Variants in NFAM1 observed in about 807,000 individuals in gnomAD.
NFAM1 encodes NFAT activating protein with ITAM motif 1.
Under a neutral mutation model 29.0 loss-of-function variants are expected in NFAM1, and 17 were observed. The observed-to-expected ratio is 0.59, with a 90% CI of 0.40 to 0.88. NFAM1 has a LOEUF of 0.88. Among genes scored for constraint, NFAM1 ranks in the 40% least tolerant of loss-of-function variants. NFAM1 has a pLI of 0.00. For missense variants in NFAM1, 324 were observed against 344.6 expected (o/e 0.94, Z 0.47); for synonymous variants, 175 against 147.2 (o/e 1.19, Z -1.36).
rs1056531735 is a variant in NFAM1 at position 42,388,949 on chromosome 22, G to A, written c.664-1871C>T. Reference sequence around the variant, plus strand: ...CCTTGTGCGGCCTTCGTGCCTGTCCGGAGCACCAGCCACCCCAGCTGGTCT... The same window carrying A: ...CCTTGTGCGGCCTTCGTGCCTGTCCAGAGCACCAGCCACCCCAGCTGGTCT... On this transcript the variant is annotated intron_variant, in intron 4 of 5. Coordinates refer to ENST00000329021, the MANE Select transcript of NFAM1 (RefSeq NM_145912.8). The surrounding 1 kb of genome is among the most constrained non-coding windows in gnomAD (Gnocchi z 4.1). 5.3e-5 allele frequency among the ~76,000 whole-genome samples: 8 copies of A among 152,130 alleles called. No individual in the cohort carries two copies. The highest frequency in any genetic ancestry group is 3.9e-4 in the Admixed American group (6 of 15,282).
At chr22:42,429,302 C>G (rs970108861) in intron 1 of NFAM1, among the ~76,000 whole-genome samples, 1 of 152,212 alleles carries the variant, frequency 6.6e-6, no homozygotes, top group Non-Finnish European at 1.5e-5. Flanking sequence ...CCCAGGGTGC[C>G]TGGGCAAGTA....
At position 42,383,792 on chromosome 22, in the gene NFAM1, G is replaced by C. The variant is rs967060554; in HGVS notation, c.*1369C>G. Reference sequence around the variant, plus strand: ...ATTTGGGGTTGGGGCAGCCCACACGGTGGGGTGGGAAGATTGACCTGCCCA... The same window carrying C: ...ATTTGGGGTTGGGGCAGCCCACACGCTGGGGTGGGAAGATTGACCTGCCCA... On this transcript the variant is annotated 3_prime_UTR_variant, in exon 6 of 6. Transcript: ENST00000329021. 2 of 152,728 alleles carry C rather than the reference G, an allele frequency of 1.3e-5. No homozygotes were observed. Among genetic ancestry groups the C allele is most frequent in the African/African-American group, 4.8e-5 (2 of 41,452 alleles). The allele number at this position is 152,728 out of a possible 1,614,324, so 9.5% of individuals were successfully genotyped here.
At chr22:42,396,921 A>AGGGGGCGTGCACCTG (rs372263967) in intron 4 of NFAM1, among the ~76,000 whole-genome samples, 8,404 of 127,764 alleles carry the variant, frequency 0.066, 401 homozygotes, top group South Asian at 0.18. Context: ...CATCGCAGCC[A>AGGGGGCGTGCACCTG]GGGGGCGTGC....
chr22:42,411,600 ATCT>A lies in NFAM1; in HGVS notation c.255_257del (p.Glu85del). ...TCTTAGGGCTCCTCTGTCCCTGGAGATCTTCATGAAAGTAGCTGACTGTGAAAA... is the reference window on the plus strand; with the variant it reads ...TCTTAGGGCTCCTCTGTCCCTGGAGATCATGAAAGTAGCTGACTGTGAAAA... On this transcript the variant is annotated inframe_deletion, in exon 2 of 6. Coordinates refer to ENST00000329021, the MANE Select transcript of NFAM1 (RefSeq NM_145912.8). 4 of 1,614,150 alleles carry A rather than the reference ATCT, an allele frequency of 2.5e-6. No individual in the cohort carries two copies. Among genetic ancestry groups the A allele is most frequent in the Non-Finnish European group, 3.4e-6 (4 of 1,180,032 alleles).
In NFAM1 at chr22:42,387,609, G is replaced by A. The variant is rs534644391; in HGVS notation, c.664-531C>T. Among the ~76,000 whole-genome samples, 17 of 142,354 alleles carry A rather than the reference G, an allele frequency of 1.2e-4. No homozygotes were observed. The South Asian group carries it at 4.2e-3, about 35-fold the overall frequency. The allele number at this position is 142,354 out of a possible 152,430, so 93.4% of individuals were successfully genotyped here. The stretch of plus-strand genomic sequence containing the variant: ...CAGCCTGTATTCAAGGATAACCCAG[G>A]CACCCACTGGGGTCACACTCCCTGG... On this transcript the variant is annotated intron_variant, in intron 4 of 5. Transcript: ENST00000329021.
At chr22:42,427,077 GC>G (rs1383048567) in intron 1 of NFAM1, among the ~76,000 whole-genome samples, 2 of 152,100 alleles carry the variant, frequency 1.3e-5, no homozygotes, top group Admixed American at 1.3e-4. Context: ...GAGCCCAGGC[GC>G]CCCACTTGCC....
intron 4 of NFAM1, among the ~76,000 whole-genome samples, chr22:42,387,822 C>T (rs1929203370): frequency 6.6e-6 from 1 of 152,180 alleles, no homozygotes; most frequent in Non-Finnish European, 1.5e-5. Flanking sequence ...ACTCTCTGAC[C>T]ACGGTCCCCC....
intron 1 of NFAM1, among the ~76,000 whole-genome samples, chr22:42,422,920 G>A (rs539837460): frequency 6.6e-6 from 1 of 151,938 alleles, no homozygotes; most frequent in East Asian, 1.9e-4. Flanking sequence ...TGAGACCAGC[G>A]TGGTCAAGAT....
intron 1 of NFAM1, among the ~76,000 whole-genome samples, chr22:42,413,393 G>A (rs1398961991): frequency 6.6e-6 from 1 of 152,286 alleles, no homozygotes; most frequent in East Asian, 1.9e-4. Flanking sequence ...GAAGATGCGG[G>A]AACAGAGATG....
chr22:42,402,734 C>T (rs1189220549), intron 3 of NFAM1, among the ~76,000 whole-genome samples: 1 of 152,096 alleles, frequency 6.6e-6, no homozygotes, highest in African/African-American at 2.4e-5. Flanking sequence ...CAAACCTACT[C>T]TCATGGCAGG....
chr22:42,432,985 T>C (rs928164572), upstream of NFAM1, among the ~76,000 whole-genome samples: 3 of 152,088 alleles, frequency 2.0e-5, no homozygotes, highest in Non-Finnish European at 2.9e-5. Context: ...AGACGCCTCC[T>C]CTCTGGTCCA....
chr22:42,427,005 T>C (rs1365187446), intron 1 of NFAM1, among the ~76,000 whole-genome samples: 2 of 152,094 alleles, frequency 1.3e-5, no homozygotes, highest in East Asian at 1.9e-4. Flanking sequence ...AGGTTCAGCG[T>C]ACTCCAGAGA....
Position 42,419,928 on chromosome 22 carries a change from A to AATTGC in NFAM1, c.122-8197_122-8193dup, listed in dbSNP as rs1930377764. Among the ~76,000 whole-genome samples the AATTGC allele has an allele frequency of 6.7e-6, 1 of 148,480 alleles. No individual in the cohort carries two copies. Among genetic ancestry groups the AATTGC allele is most frequent in the South Asian group, 2.1e-4 (1 of 4,662 alleles). On this transcript the variant is annotated intron_variant, in intron 1 of 5. Coordinates refer to ENST00000329021, the MANE Select transcript of NFAM1 (RefSeq NM_145912.8). The surrounding 1 kb of genome is among the most constrained non-coding windows in gnomAD (Gnocchi z 4.5). ...TCAGAGAAGGCAAGAGGTTTGCCCA[A>AATTGC]ATTGCAGTGGTAGACATGGGATTTT...
In NFAM1 at chr22:42,383,794, G is replaced by C. The variant is rs1240113550; in HGVS notation, c.*1367C>G. Reference sequence around the variant, plus strand: ...TTGGGGTTGGGGCAGCCCACACGGTGGGGTGGGAAGATTGACCTGCCCATT... The same window carrying C: ...TTGGGGTTGGGGCAGCCCACACGGTCGGGTGGGAAGATTGACCTGCCCATT... On this transcript the variant is annotated 3_prime_UTR_variant, in exon 6 of 6. Coordinates refer to ENST00000329021, the MANE Select transcript of NFAM1 (RefSeq NM_145912.8). 6.5e-6 allele frequency: 1 copy of C among 152,710 alleles called. No homozygotes were observed. The highest frequency in any genetic ancestry group is 1.5e-5 in the Non-Finnish European group (1 of 68,080). 9.5% of individuals were successfully genotyped at this position (152,710 alleles called of 1,614,324 possible). A position where few individuals can be genotyped will look rare whatever the true frequency, so the allele number is the denominator to read the frequency against.
At chr22:42,408,942 C>T (rs1220572646) in intron 3 of NFAM1, among the ~76,000 whole-genome samples, 2 of 152,094 alleles carry the variant, frequency 1.3e-5, no homozygotes, top group South Asian at 2.1e-4. Context: ...GAAAAAACCT[C>T]GTCATGGAGC....
At chr22:42,410,434 C>T (rs559411064) in intron 2 of NFAM1, 67 of 376,830 alleles carry the variant, frequency 1.8e-4, no homozygotes, top group African/African-American at 1.2e-3. Context: ...CTGAGGTGGG[C>T]GGATCACTTG....
chr22:42,435,566 C>T (rs1461794461), upstream of NFAM1, among the ~76,000 whole-genome samples: 1 of 151,904 alleles, frequency 6.6e-6, no homozygotes, highest in Non-Finnish European at 1.5e-5. Flanking sequence ...AGGCTGGTCT[C>T]GAACTCCCAA....
intron 1 of NFAM1, among the ~76,000 whole-genome samples, chr22:42,427,363 GGAC>G (rs1001726231): frequency 6.6e-6 from 1 of 151,598 alleles, no homozygotes; most frequent in Non-Finnish European, 1.5e-5. Flanking sequence ...GAAGGGCAGA[GGAC>G]GACTACCCAG....
intron 4 of NFAM1, among the ~76,000 whole-genome samples, chr22:42,390,181 G>A (rs1301857135): frequency 1.3e-5 from 2 of 152,094 alleles, no homozygotes; most frequent in Non-Finnish European, 2.9e-5. Context: ...TACTGCTGCT[G>A]AATGAGGACG....
Sources: allele counts gnomAD v4.1 joint callset (sites outside exome capture counted in the v4.1 genomes callset), GRCh38; gene constraint gnomAD v4.1.1; non-coding constraint Gnocchi (gnomAD v3.1); transcripts MANE v1.5; gene names NCBI Gene and HGNC (gene_info 2026-07-23, HGNC 2026-07-21).